The following RORA variants were observed in gnomAD, a reference collection of about 807,000 sequenced individuals.
RORA encodes nuclear receptor ROR-alpha.
RORA carries 7 observed loss-of-function variants against 69.5 expected under a neutral mutation model. The ratio of observed to expected loss-of-function variants is 0.10; its 90% CI spans 0.06 to 0.19. The LOEUF (loss-of-function observed/expected upper bound fraction) is 0.19, where lower values mean the gene tolerates loss of function less well. Ranked by LOEUF, RORA falls within the 10% of genes least tolerant of loss-of-function variation. RORA has a pLI of 1.00. For missense variants in RORA, 457 were observed against 663.0 expected, an observed-to-expected ratio of 0.69 and a Z score of 3.41; for synonymous variants, 261 against 240.8, an observed-to-expected ratio of 1.08 and a Z score of -0.78.
chr15:61,124,102 C>T (rs1432065724), intron 1 of RORA, among the ~76,000 whole-genome samples: 1 of 152,224 alleles, frequency 6.6e-6, no homozygotes, highest in African/African-American at 2.4e-5. Flanking sequence ...TGATTCCCTT[C>T]AAAGCAGATT....
At chr15:60,892,598 A>G (rs1404742361) in intron 1 of RORA, among the ~76,000 whole-genome samples, 1 of 152,222 alleles carries the variant, frequency 6.6e-6, no homozygotes, top group East Asian at 1.9e-4. Flanking sequence ...TCACGAATAT[A>G]CAATCAAAAT....
chr15:61,089,333 G>T (rs2078671202), intron 1 of RORA, among the ~76,000 whole-genome samples: 1 of 152,198 alleles, frequency 6.6e-6, no homozygotes, highest in African/African-American at 2.4e-5. Flanking sequence ...TTCCACAGAA[G>T]AACAGAGACC....
At chr15:61,119,023 TG>T (rs1326684068) in intron 1 of RORA, among the ~76,000 whole-genome samples, 1 of 143,376 alleles carries the variant, frequency 7.0e-6, no homozygotes, top group Non-Finnish European at 1.5e-5. Context: ...TTTTGGAAGA[TG>T]AACATGAGAT....
intron 1 of RORA, among the ~76,000 whole-genome samples, chr15:61,024,860 G>A (rs1418122963): frequency 6.6e-6 from 1 of 152,158 alleles, no homozygotes; most frequent in Non-Finnish European, 1.5e-5. Context: ...CCAAAGTGCT[G>A]GGATTAAAGG....
At chr15:60,898,504 TAA>T (rs1488569532) in intron 1 of RORA, among the ~76,000 whole-genome samples, 8 of 66,610 alleles carry the variant, frequency 1.2e-4, no homozygotes, top group Non-Finnish European at 2.1e-4. Flanking sequence ...TCTCTAAAAA[TAA>T]ATAAATAAAT....
At chr15:60,708,719 G>A (rs2071102895) in intron 1 of RORA, among the ~76,000 whole-genome samples, 1 of 152,172 alleles carries the variant, frequency 6.6e-6, no homozygotes, top group African/African-American at 2.4e-5. Context: ...CCTGTTCCCA[G>A]GGTATAGCGG....
chr15:60,725,890 GCAGAATTCTGGT>G (rs371721941), intron 1 of RORA, among the ~76,000 whole-genome samples: 29 of 152,282 alleles, frequency 1.9e-4, no homozygotes, highest in African/African-American at 7.0e-4. Flanking sequence ...CAGTCTTCAG[GCAGAATTCTGGT>G]CAGAATTGTA....
At chr15:60,755,454 T>C (rs912099605) in intron 1 of RORA, among the ~76,000 whole-genome samples, 5 of 152,104 alleles carry the variant, frequency 3.3e-5, no homozygotes, top group African/African-American at 1.2e-4. Flanking sequence ...TACGTGTGCA[T>C]GTGTCTTTAT....
intron 1 of RORA, among the ~76,000 whole-genome samples, chr15:61,135,924 C>G (rs2079235722): frequency 6.6e-6 from 1 of 152,132 alleles, no homozygotes; most frequent in African/African-American, 2.4e-5. Flanking sequence ...TGTATATAGG[C>G]TAAGATGAAG....
intron 1 of RORA, among the ~76,000 whole-genome samples, chr15:60,746,680 T>G (rs959482696): frequency 2.0e-5 from 3 of 152,206 alleles, no homozygotes; most frequent in African/African-American, 7.2e-5. Flanking sequence ...TCACTGTACA[T>G]GACTGTGTCT....
chr15:60,933,676 G>A (rs1006916023), intron 1 of RORA, among the ~76,000 whole-genome samples: 2 of 152,036 alleles, frequency 1.3e-5, no homozygotes, highest in Non-Finnish European at 2.9e-5. Flanking sequence ...ATCATGCCAG[G>A]GTATACACAT....
intron 1 of RORA, among the ~76,000 whole-genome samples, chr15:61,047,055 C>T (rs763556106): frequency 1.3e-5 from 2 of 152,250 alleles, no homozygotes; most frequent in South Asian, 2.1e-4. Flanking sequence ...GGCAACCAGC[C>T]GTTCCACAGC....
chr15:60,818,097 G>C (rs1349615124), intron 1 of RORA, among the ~76,000 whole-genome samples: 2 of 152,224 alleles, frequency 1.3e-5, no homozygotes, highest in East Asian at 3.9e-4. Flanking sequence ...AGAGGGATTA[G>C]GAACAAGGCA....
At chr15:61,013,074 C>A (rs765226173) in intron 1 of RORA, among the ~76,000 whole-genome samples, 1 of 152,194 alleles carries the variant, frequency 6.6e-6, no homozygotes, top group Non-Finnish European at 1.5e-5. Context: ...CTTCATGGAG[C>A]ACCAAACTAT....
chr15:61,059,988 GGAAGAAGAAGAAGAAGAAGAA>G (rs71122901), intron 1 of RORA, among the ~76,000 whole-genome samples: 2,913 of 85,922 alleles, frequency 0.034, 41 homozygotes, highest in Middle Eastern at 0.056. Context: ...AAGAGGAAGA[GGAAGAAGAAGAAGAAGAAGAA>G]GAAGAAGAAG....
chr15:60,885,855 T>C (rs889874517), intron 1 of RORA, among the ~76,000 whole-genome samples: 10 of 152,208 alleles, frequency 6.6e-5, no homozygotes, highest in Admixed American at 2.0e-4. Context: ...ATGGTTGGAA[T>C]TGTTATATGA....
At chr15:60,653,303 G>C (rs1028688273) in intron 2 of RORA, among the ~76,000 whole-genome samples, 2 of 107,834 alleles carry the variant, frequency 1.9e-5, no homozygotes, top group African/African-American at 2.9e-5. Flanking sequence ...GCATGCGTGT[G>C]TGTGTGTGTG....
chr15:61,197,321 G>A (rs1046165127), intron 1 of RORA, among the ~76,000 whole-genome samples: 17 of 152,318 alleles, frequency 1.1e-4, no homozygotes, highest in Admixed American at 9.1e-4. Flanking sequence ...CTTACAGGGA[G>A]AACAAAGTGG....
intron 3 of RORA, among the ~76,000 whole-genome samples, chr15:60,519,669 G>A (rs2066093038): frequency 6.6e-6 from 1 of 152,114 alleles, no homozygotes; most frequent in South Asian, 2.1e-4. Context: ...CTACCGCCCA[G>A]ACATTTTACA....
Sources: gnomAD v4.1 joint callset for allele counts (sites outside exome capture counted in the v4.1 genomes callset) on GRCh38, gnomAD v4.1.1 for gene constraint, MANE v1.5 for transcripts, NCBI Gene and HGNC (gene_info 2026-07-23, HGNC 2026-07-21) for gene names.